CDH3: variants seen among roughly 807,000 people sequenced by gnomAD.
CDH3 encodes the protein cadherin-3.
CDH3 carries 54 observed loss-of-function variants against 82.0 expected under a neutral mutation model. That is an observed-to-expected ratio of 0.66 (90% CI 0.53 to 0.83). The LOEUF is 0.83. Among genes scored for constraint, CDH3 ranks in the 40% least tolerant of loss-of-function variants. The pLI, the probability that CDH3 is intolerant of heterozygous loss-of-function variation, is 0.00. For missense variants in CDH3, 1,054 were observed against 1,084.6 expected, an observed-to-expected ratio of 0.97 and a Z score of 0.40; for synonymous variants, 446 against 437.9, an observed-to-expected ratio of 1.02 and a Z score of -0.23.
chr16:68,645,980 C>G, intron 2 of CDH3: 1 of 562,210 alleles, frequency 1.8e-6, no homozygotes, highest in South Asian at 2.2e-5. Flanking sequence ...CACTGCTTAC[C>G]TTGACCCCCT....
At chr16:68,655,359 GGTAA>G (rs2152091413) in intron 2 of CDH3, among the ~76,000 whole-genome samples, 1 of 152,252 alleles carries the variant, frequency 6.6e-6, no homozygotes, top group South Asian at 2.1e-4. Flanking sequence ...ATACTCAGAG[GGTAA>G]GTAAGGCCAC....
At chr16:68,695,967 C>T in intron 15 of CDH3, 44 bp downstream of exon 15, 1 of 1,603,992 alleles carries the variant, frequency 6.2e-7, no homozygotes, top group Admixed American at 1.7e-5. Flanking sequence ...TTATTCAAGC[C>T]CAGCACCAGC....
chr16:68,659,560 A>G (rs1009734474), intron 2 of CDH3, among the ~76,000 whole-genome samples: 8 of 150,762 alleles, frequency 5.3e-5, no homozygotes, highest in Admixed American at 4.0e-4. Flanking sequence ...AGCCTGGGCA[A>G]CAGAGTGAGA....
At chr16:68,703,348 C>A (rs1236818668), downstream of CDH3, among the ~76,000 whole-genome samples, 1 of 152,166 alleles carries the variant, frequency 6.6e-6, no homozygotes, top group African/African-American at 2.4e-5. Context: ...AGGGAGAAGA[C>A]CCAGCCCGGG....
At chr16:68,662,544 C>CTTT (rs34173111) in intron 2 of CDH3, among the ~76,000 whole-genome samples, 5 of 94,040 alleles carry the variant, frequency 5.3e-5, no homozygotes, top group Admixed American at 1.2e-4. Flanking sequence ...TGAAGCCAGC[C>CTTT]TTTTTTTTTT....
In CDH3 at chr16:68,675,662, C is replaced by T. The variant is rs551024408; in HGVS notation, c.161-723C>T. 3.3e-5 allele frequency among the ~76,000 whole-genome samples: 5 copies of T among 152,074 alleles called. No homozygotes were observed. In the East Asian group the frequency reaches 5.8e-4, roughly 18 times the overall value. ...AACAAAAATTAGCTGGGCATGGTGGCGCACGCCTGTAACCCCAGCTACTCA... is the reference window on the plus strand; with the variant it reads ...AACAAAAATTAGCTGGGCATGGTGGTGCACGCCTGTAACCCCAGCTACTCA... On this transcript the variant is annotated intron_variant, in intron 2 of 15. Coordinates refer to ENST00000264012, the MANE Select transcript of CDH3 (RefSeq NM_001793.6).
chr16:68,693,610 G>T lies in CDH3; in HGVS notation c.2003-1645G>T, dbSNP rs114338882. ...GACCTGGGTTCAGAGAAGTCCATTT[G>T]GCGTCTTGCCTTCCCCCAGACTCGG... On this transcript the variant is annotated intron_variant, in intron 13 of 15. Transcript: ENST00000264012. Among the ~76,000 whole-genome samples the T allele has an allele frequency of 9.7e-3, 1,473 of 152,252 alleles. 28 individuals are homozygous for T. Among genetic ancestry groups the T allele is most frequent in the African/African-American group, 0.033 (1,389 of 41,542 alleles).
At chr16:68,731,047 A>AAAAT (rs1962279500), downstream of CDH3, among the ~76,000 whole-genome samples, 5 of 26,352 alleles carry the variant, frequency 1.9e-4, no homozygotes, top group East Asian at 1.3e-3. Flanking sequence ...AAAAAAAAAA[A>AAAAT]ATATATATAT....
rs2274239 is a variant in CDH3, at chr16:68,691,880, G to A, written c.1956G>A (p.Lys652=). 971,048 of 1,613,532 alleles carry A rather than the reference G, an allele frequency of 0.6. 293,755 individuals are homozygous for A. Among genetic ancestry groups the A allele is most frequent in the African/African-American group, 0.64 (48,065 of 74,938 alleles). ...GHVETCPGPW[K]GGFILPVLGA... is the part of the protein sequence containing the mutation. ...TCGAAACCTGCCCTGGACCCTGGAA[G>A]GGAGGTTTCATCCTCCCTGTGCTGG... The change falls in exon 13 of 16, where the codon AAG becomes AAA. Residue 652 remains lysine (K), a synonymous_variant. Transcript: ENST00000264012.
At chr16:68,701,587 CG>C (rs1961895411), downstream of CDH3, among the ~76,000 whole-genome samples, 1 of 149,952 alleles carries the variant, frequency 6.7e-6, no homozygotes, top group Non-Finnish European at 1.5e-5. Flanking sequence ...ACTCTCCCCC[CG>C]GGGCTAGAGT....
chr16:68,698,382 T>TGG lies in CDH3; in HGVS notation c.2473_2474dup (p.Gly826AlafsTer32). On this transcript the variant is annotated frameshift_variant, in exon 16 of 16. Coordinates refer to ENST00000264012, the MANE Select transcript of CDH3 (RefSeq NM_001793.6). LOFTEE classifies it high-confidence loss of function. ...TCAAGAAGCTGGCAGACATGTACGGTGGCGGGGAGGACGACTAGGCGGCCT... is the reference window on the plus strand; with the variant it reads ...TCAAGAAGCTGGCAGACATGTACGGTGGGGCGGGGAGGACGACTAGGCGGCCT... 6.2e-7 allele frequency: 1 copy of TGG among 1,614,026 alleles called. No individual in the cohort carries two copies. The highest frequency in any genetic ancestry group is 8.5e-7 in the Non-Finnish European group (1 of 1,179,976).
chr16:68,650,249 C>T (rs1298685450), intron 2 of CDH3, among the ~76,000 whole-genome samples: 1 of 152,110 alleles, frequency 6.6e-6, no homozygotes, highest in African/African-American at 2.4e-5. Flanking sequence ...CTAGGGGACT[C>T]ATTTCCCAGC....
chr16:68,712,783 G>A (rs1440000591), intron 1 of CDH3, among the ~76,000 whole-genome samples: 1 of 151,954 alleles, frequency 6.6e-6, no homozygotes, highest in Non-Finnish European at 1.5e-5. Context: ...CCGGGTTCAA[G>A]CAATTCTCCT....
intron 2 of CDH3, 104 bp from the exon 3 acceptor site, chr16:68,676,281 G>A: frequency 1.3e-6 from 1 of 788,714 alleles, no homozygotes. Flanking sequence ...CAGCCACTTA[G>A]CAGTCCTGGA....
At chr16:68,726,575 G>A (rs964058259) in intron 2 of CDH3, among the ~76,000 whole-genome samples, 1 of 150,076 alleles carries the variant, frequency 6.7e-6, no homozygotes, top group African/African-American at 2.5e-5. Flanking sequence ...TCATTTTTTT[G>A]GTTGTTTTTT....
chr16:68,711,688 C>T (rs1001554699), intron 1 of CDH3, among the ~76,000 whole-genome samples: 10 of 152,194 alleles, frequency 6.6e-5, no homozygotes, highest in African/African-American at 2.4e-4. Flanking sequence ...ATTTCATCTT[C>T]TTTGCCTCCC....
Position 68,684,512 on chromosome 16 carries a change from C to T in CDH3, c.1183-71C>T, listed in dbSNP as rs1395012459. 6 of 1,584,808 alleles carry T rather than the reference C, an allele frequency of 3.8e-6. No homozygotes were observed. The African/African-American group carries it at 6.7e-5, about 18-fold the overall frequency. ...CTCAGTATTGGTGTTTTCCTTCTCACATCTCAACTGTCCTGCACAGGACCT... is the reference window on the plus strand; with the variant it reads ...CTCAGTATTGGTGTTTTCCTTCTCATATCTCAACTGTCCTGCACAGGACCT... On this transcript the variant is annotated intron_variant, in intron 9 of 15. Coordinates refer to ENST00000264012, the MANE Select transcript of CDH3 (RefSeq NM_001793.6).
intron 2 of CDH3, among the ~76,000 whole-genome samples, chr16:68,650,180 G>A (rs1414293414): frequency 6.6e-6 from 1 of 152,208 alleles, no homozygotes; most frequent in Non-Finnish European, 1.5e-5. Flanking sequence ...GAGGGTCCTA[G>A]AGAAAGCCGG....
intron 2 of CDH3, among the ~76,000 whole-genome samples, chr16:68,655,699 A>C (rs1960395353): frequency 6.6e-6 from 1 of 151,964 alleles, no homozygotes; most frequent in Non-Finnish European, 1.5e-5. Flanking sequence ...ACAACAAACA[A>C]ACAAACAAAA....
Sources: gnomAD v4.1 joint callset for allele counts (sites outside exome capture counted in the v4.1 genomes callset) on GRCh38, gnomAD v4.1.1 for gene constraint, MANE v1.5 for transcripts, NCBI Gene and HGNC (gene_info 2026-07-23, HGNC 2026-07-21) for gene names.